The following SDK1 variants were observed in gnomAD, a reference collection of about 807,000 sequenced individuals.
SDK1 encodes the protein sidekick cell adhesion molecule 1.
In SDK1, 157 loss-of-function variants were observed where a neutral mutation model predicts 245.5. That is an observed-to-expected ratio of 0.64 (90% CI 0.56 to 0.73). The LOEUF (loss-of-function observed/expected upper bound fraction) is 0.73. SDK1 is among the 30% of genes least tolerant of loss of function. The pLI is 0.00. For missense variants in SDK1, 3,583 were observed against 3,002.3 expected (o/e 1.19, Z -4.52); for synonymous variants, 1,647 against 1,278.5 (o/e 1.29, Z -6.15).
chr7:3,636,140 T>A (rs1400391719), intron 2 of SDK1, among the ~76,000 whole-genome samples: 2 of 152,194 alleles, frequency 1.3e-5, no homozygotes, highest in Non-Finnish European at 2.9e-5. Context: ...CCCATGAAAC[T>A]TTCACCACTA....
intron 35 of SDK1, among the ~76,000 whole-genome samples, chr7:4,188,353 A>G (rs186926017): frequency 6.6e-5 from 10 of 152,274 alleles, no homozygotes; most frequent in African/African-American, 2.4e-4. Context: ...AGTTTTGTTT[A>G]GGTTTGCAGA....
chr7:3,379,088 CTT>C (rs1275627483), intron 1 of SDK1, among the ~76,000 whole-genome samples: 1 of 152,176 alleles, frequency 6.6e-6, no homozygotes, highest in Non-Finnish European at 1.5e-5. Flanking sequence ...GCTGAGGAAA[CTT>C]TTCAACTGAC....
chr7:4,051,136 A>AATATATGTATAATATATACATATAGT (rs1562730798), intron 18 of SDK1, among the ~76,000 whole-genome samples: 1 of 139,416 alleles, frequency 7.2e-6, no homozygotes, highest in East Asian at 2.0e-4. Flanking sequence ...TATTATATAT[A>AATATATGTATAATATATACATATAGT]ATATATGTAT....
chr7:3,362,563 T>A (rs940841946), intron 1 of SDK1, among the ~76,000 whole-genome samples: 1 of 151,334 alleles, frequency 6.6e-6, no homozygotes, highest in Non-Finnish European at 1.5e-5. Context: ...ACTTAAAAAT[T>A]TTTTAAAGCA....
intron 1 of SDK1, among the ~76,000 whole-genome samples, chr7:3,524,824 G>A (rs776495204): frequency 5.3e-4 from 80 of 152,104 alleles, no homozygotes; most frequent in Admixed American, 4.0e-3. Flanking sequence ...AAAAATTGGA[G>A]GGTCATCAAT....
At chr7:3,538,575 C>G (rs921371565) in intron 1 of SDK1, among the ~76,000 whole-genome samples, 1 of 152,198 alleles carries the variant, frequency 6.6e-6, no homozygotes, top group Non-Finnish European at 1.5e-5. Flanking sequence ...CTTACCTAGG[C>G]AGGCCAATGC....
intron 4 of SDK1, among the ~76,000 whole-genome samples, chr7:3,735,219 A>G (rs901741953): frequency 3.1e-4 from 47 of 152,308 alleles, no homozygotes; most frequent in African/African-American, 1.1e-3. Flanking sequence ...TTTTATATAT[A>G]ATTCAATAGT....
At chr7:3,442,467 G>T (rs2128588890) in intron 1 of SDK1, among the ~76,000 whole-genome samples, 1 of 152,246 alleles carries the variant, frequency 6.6e-6, no homozygotes, top group East Asian at 1.9e-4. Flanking sequence ...TTATCCTTGA[G>T]AGTGAGCCTA....
chr7:4,145,753 C>G lies in SDK1; in HGVS notation c.4260C>G (p.Ser1420Arg). ...GYQIAYRLAS[S>R]SPHTFTTVEV... ...AGATTGCCTACCGCCTGGCCAGCAGCAGCCCCCACACCTTCACCACCGTGG... is the reference window on the plus strand; with the variant it reads ...AGATTGCCTACCGCCTGGCCAGCAGGAGCCCCCACACCTTCACCACCGTGG... Residue 1420 changes from serine (S) to arginine (R), a missense_variant, in exon 29 of 45, where the codon AGC (serine) becomes AGG (arginine). Ser to Arg is a moderately radical substitution (Grantham distance 110, BLOSUM62 -1). Transcript: ENST00000404826. 1 of 1,611,036 alleles carries G rather than the reference C, an allele frequency of 6.2e-7. No individual in the cohort carries two copies. Among genetic ancestry groups the G allele is most frequent in the Non-Finnish European group, 8.5e-7 (1 of 1,178,770 alleles).
At chr7:4,212,449 G>A (rs377187301) in intron 38 of SDK1, among the ~76,000 whole-genome samples, 2 of 152,206 alleles carry the variant, frequency 1.3e-5, no homozygotes, top group African/African-American at 4.8e-5. Flanking sequence ...ACAATCGATG[G>A]ACTTTGGTAA....
chr7:4,066,164 C>T (rs1224269166), intron 19 of SDK1, among the ~76,000 whole-genome samples: 2 of 152,120 alleles, frequency 1.3e-5, no homozygotes, highest in South Asian at 2.1e-4. Context: ...CCGGTTCTGC[C>T]TTTGAACTAC....
intron 4 of SDK1, among the ~76,000 whole-genome samples, chr7:3,707,015 T>C (rs773638551): frequency 1.3e-5 from 2 of 152,204 alleles, no homozygotes; most frequent in Admixed American, 6.5e-5. Context: ...TTTTGTTTCA[T>C]TGATATTTTG....
chr7:3,626,868 A>C (rs567167037), intron 2 of SDK1, among the ~76,000 whole-genome samples: 2 of 152,124 alleles, frequency 1.3e-5, no homozygotes, highest in Non-Finnish European at 2.9e-5. Context: ...TAAAGTTGGG[A>C]AAAAAACAAA....
intron 5 of SDK1, among the ~76,000 whole-genome samples, chr7:3,946,097 A>C (rs897634187): frequency 1.3e-4 from 20 of 150,654 alleles, no homozygotes; most frequent in African/African-American, 4.6e-4. Context: ...AACTAACGCT[A>C]TCAGGTATGC....
intron 14 of SDK1, among the ~76,000 whole-genome samples, chr7:3,997,809 G>T (rs978791963): frequency 6.6e-6 from 1 of 152,110 alleles, no homozygotes; most frequent in Non-Finnish European, 1.5e-5. Flanking sequence ...GGGCCTCACC[G>T]GAGACCCACC....
At chr7:4,249,035 A>G (rs1287070253) in intron 44 of SDK1, among the ~76,000 whole-genome samples, 1 of 152,274 alleles carries the variant, frequency 6.6e-6, no homozygotes, top group Non-Finnish European at 1.5e-5. Context: ...ATGCCTGCAC[A>G]TATGCATATA....
At chr7:3,913,852 C>G (rs1779274803) in intron 5 of SDK1, among the ~76,000 whole-genome samples, 1 of 152,140 alleles carries the variant, frequency 6.6e-6, no homozygotes, top group African/African-American at 2.4e-5. Flanking sequence ...TTTTTTGCTT[C>G]ACTAACCTTT....
intron 11 of SDK1, among the ~76,000 whole-genome samples, chr7:3,970,899 T>C (rs955395520): frequency 1.2e-4 from 18 of 152,266 alleles, no homozygotes; most frequent in Admixed American, 3.3e-4. Context: ...CCCTTAGAGG[T>C]ATGGGTGCTA....
rs753133104 is a variant in SDK1, at chr7:3,971,553, C to A, written c.1802C>A (p.Pro601His). The change falls in exon 12 of 45, where the codon CCC becomes CAC. Residue 601 changes from proline (P) to histidine (H), a missense_variant. Physicochemically the swap from Pro to His is moderately conservative, Grantham distance 77. Coordinates refer to ENST00000404826, the MANE Select transcript of SDK1 (RefSeq NM_152744.4). Reference protein sequence around the residue: ...ATLHCGATHDPRVSLRYVWKK... With the variant: ...ATLHCGATHDHRVSLRYVWKK... ...CTGCACTGTGGTGCCACACATGACCCCCGGGTTTCACTCCGGTCAGCACAA... is the reference window on the plus strand; with the variant it reads ...CTGCACTGTGGTGCCACACATGACCACCGGGTTTCACTCCGGTCAGCACAA... 1 of 1,612,022 alleles carries A rather than the reference C, an allele frequency of 6.2e-7. No individual in the cohort carries two copies. Among genetic ancestry groups the A allele is most frequent in the African/African-American group, 1.3e-5 (1 of 74,882 alleles).
Sources: allele counts gnomAD v4.1 joint callset (sites outside exome capture counted in the v4.1 genomes callset), GRCh38; gene constraint gnomAD v4.1.1; transcripts MANE v1.5; gene names NCBI Gene and HGNC (gene_info 2026-07-23, HGNC 2026-07-21).